Variants in ATP8A2 observed in about 807,000 individuals in gnomAD.
ATP8A2 encodes phospholipid-transporting ATPase IB.
In ATP8A2, 100 loss-of-function variants were observed where a neutral mutation model predicts 165.6. That is an observed-to-expected ratio of 0.60 (90% CI 0.51 to 0.71). The LOEUF (loss-of-function observed/expected upper bound fraction) is 0.71. ATP8A2 is among the 30% of genes least tolerant of loss of function. The pLI, the probability that ATP8A2 is intolerant of heterozygous loss-of-function variation, is 0.00. For synonymous variants in ATP8A2, 543 were observed against 548.8 expected, an observed-to-expected ratio of 0.99 and a Z score of 0.15; for missense variants, 1,227 against 1,479.5, an observed-to-expected ratio of 0.83 and a Z score of 2.80.
Position 26,020,603 on chromosome 13 carries a change from T to A in ATP8A2, c.*618T>A, listed in dbSNP as rs1957067511. On this transcript the variant is annotated 3_prime_UTR_variant, in exon 37 of 37. Coordinates refer to ENST00000381655, the MANE Select transcript of ATP8A2 (RefSeq NM_016529.6). ...ATTTCCAGCAGGGCAAACCAACTGA[T>A]GCCCTGGAAGAGTCTTCCGCACCCT... 1 of 152,788 alleles carries A rather than the reference T, an allele frequency of 6.5e-6. No homozygotes were observed. The highest frequency in any genetic ancestry group is 6.5e-5 in the Admixed American group (1 of 15,312). 9.5% of individuals were successfully genotyped at this position (152,788 alleles called of 1,614,324 possible).
At chr13:25,892,629 A>G (rs1953408136) in intron 33 of ATP8A2, among the ~76,000 whole-genome samples, 1 of 149,436 alleles carries the variant, frequency 6.7e-6, no homozygotes, top group African/African-American at 2.5e-5. Context: ...CCTTTCTTCC[A>G]CCTGTGTCAT....
At chr13:25,799,361 G>C (rs180902503) in intron 27 of ATP8A2, among the ~76,000 whole-genome samples, 4 of 152,276 alleles carry the variant, frequency 2.6e-5, no homozygotes, top group Non-Finnish European at 1.5e-5. Flanking sequence ...GAAACAGAAC[G>C]AAGGTCACAG....
chr13:25,419,119 A>T (rs1208368470), intron 1 of ATP8A2, among the ~76,000 whole-genome samples: 1 of 151,912 alleles, frequency 6.6e-6, no homozygotes, highest in East Asian at 1.9e-4. Flanking sequence ...AGCTCCACAT[A>T]CTCTTGCTGA....
At chr13:25,671,014 G>T in intron 24 of ATP8A2, among the ~76,000 whole-genome samples, 1 of 152,234 alleles carries the variant, frequency 6.6e-6, no homozygotes. Flanking sequence ...AGTGTTGCGG[G>T]AAGTCAGGGA....
chr13:25,480,827 C>G lies in ATP8A2; in HGVS notation c.221+11706C>G, dbSNP rs891636920. 3.9e-4 allele frequency among the ~76,000 whole-genome samples: 58 copies of G among 149,916 alleles called. No homozygotes were observed. In the East Asian group the frequency reaches 7.7e-3, roughly 20 times the overall value. ...GGTGGCTGGGAGGTGGAGGTTGTAGCGAGCCGAGATCACGCCACTGCACTC... is the reference window on the plus strand; with the variant it reads ...GGTGGCTGGGAGGTGGAGGTTGTAGGGAGCCGAGATCACGCCACTGCACTC... On this transcript the variant is annotated intron_variant, in intron 2 of 36. Transcript: ENST00000381655.
At chr13:25,975,979 C>T (rs531667166) in intron 35 of ATP8A2, among the ~76,000 whole-genome samples, 30 of 152,308 alleles carry the variant, frequency 2.0e-4, no homozygotes, top group African/African-American at 6.7e-4. Context: ...CTCAGCCCTG[C>T]CTTTTAGGAT....
intron 27 of ATP8A2, among the ~76,000 whole-genome samples, chr13:25,808,156 G>A (rs1425359227): frequency 6.6e-6 from 1 of 151,068 alleles, no homozygotes; most frequent in African/African-American, 2.4e-5. Flanking sequence ...TTGAGACAGG[G>A]TCTTGCTGTG....
chr13:25,797,901 C>CTATA (rs1950529441), intron 27 of ATP8A2, among the ~76,000 whole-genome samples: 1 of 152,054 alleles, frequency 6.6e-6, no homozygotes, highest in Admixed American at 6.6e-5. Flanking sequence ...GCAGTTGATT[C>CTATA]CGTTTGGACT....
intron 24 of ATP8A2, among the ~76,000 whole-genome samples, chr13:25,656,983 A>G (rs192329389): frequency 7.9e-4 from 106 of 134,278 alleles, no homozygotes; most frequent in Non-Finnish European, 8.8e-4. Context: ...AACCCAGGAG[A>G]TGAAGGTTGC....
intron 30 of ATP8A2, among the ~76,000 whole-genome samples, chr13:25,841,818 G>A (rs572583086): frequency 2.0e-5 from 3 of 152,276 alleles, no homozygotes; most frequent in African/African-American, 7.2e-5. Context: ...AATGTATTTG[G>A]CTCATGATTC....
intron 33 of ATP8A2, chr13:25,871,106 A>C: frequency 3.5e-6 from 1 of 285,030 alleles, no homozygotes; most frequent in Non-Finnish European, 7.0e-6. Flanking sequence ...GCTTTGATTG[A>C]GTGGTTTTTT....
At chr13:25,769,618 A>G (rs1371058807) in intron 26 of ATP8A2, among the ~76,000 whole-genome samples, 2 of 152,036 alleles carry the variant, frequency 1.3e-5, no homozygotes, top group African/African-American at 4.8e-5. Context: ...TTTCTCTATA[A>G]TCCTGTTCCA....
rs145954785 is a variant in ATP8A2, at chr13:25,802,071, G to A, written c.2680-26047G>A. Reference sequence around the variant, plus strand: ...AACTACAATTCAAGATGAGATTTGGGTGAGGACACAGCCAAACCATATCAC... The same window carrying A: ...AACTACAATTCAAGATGAGATTTGGATGAGGACACAGCCAAACCATATCAC... On this transcript the variant is annotated intron_variant, in intron 27 of 36. Coordinates refer to ENST00000381655, the MANE Select transcript of ATP8A2 (RefSeq NM_016529.6). 3.3e-5 allele frequency among the ~76,000 whole-genome samples: 5 copies of A among 152,308 alleles called. No homozygotes were observed. In the East Asian group the frequency reaches 9.6e-4, roughly 29 times the overall value.
At chr13:25,644,123 AG>A (rs2041609202) in intron 24 of ATP8A2, among the ~76,000 whole-genome samples, 1 of 151,468 alleles carries the variant, frequency 6.6e-6, no homozygotes, top group Non-Finnish European at 1.5e-5. Flanking sequence ...TGTATTTATT[AG>A]TTCTGAGTTT....
chr13:25,425,997 T>C (rs1222613060), intron 1 of ATP8A2, among the ~76,000 whole-genome samples: 3 of 152,206 alleles, frequency 2.0e-5, no homozygotes, highest in Non-Finnish European at 4.4e-5. Flanking sequence ...GACAGTTTGT[T>C]TATCCACTCA....
intron 33 of ATP8A2, among the ~76,000 whole-genome samples, chr13:25,919,152 A>G (rs1466407547): frequency 6.6e-6 from 1 of 152,196 alleles, no homozygotes; most frequent in African/African-American, 2.4e-5. Context: ...ATCCTTTAAT[A>G]TGTTCTTTTC....
chr13:25,758,218 A>G (rs2044305343), intron 25 of ATP8A2, among the ~76,000 whole-genome samples: 1 of 152,240 alleles, frequency 6.6e-6, no homozygotes. Context: ...CTCATTTCAT[A>G]TGATAAGTGT....
At chr13:25,457,726 A>G (rs1326459788) in intron 1 of ATP8A2, among the ~76,000 whole-genome samples, 1 of 152,202 alleles carries the variant, frequency 6.6e-6, no homozygotes, top group Non-Finnish European at 1.5e-5. Flanking sequence ...ATGATTGCAT[A>G]TGCATCTCTT....
chr13:25,763,376 T>A (rs938224812), intron 25 of ATP8A2, among the ~76,000 whole-genome samples: 3 of 152,156 alleles, frequency 2.0e-5, no homozygotes, highest in African/African-American at 7.2e-5. Context: ...TAAGGCACAC[T>A]CTCTTGCAGC....
Sources: gnomAD v4.1 joint callset for allele counts (sites outside exome capture counted in the v4.1 genomes callset) on GRCh38, gnomAD v4.1.1 for gene constraint, MANE v1.5 for transcripts, NCBI Gene and HGNC (gene_info 2026-07-23, HGNC 2026-07-21) for gene names.